ATP8A2: variants seen among roughly 807,000 people sequenced by gnomAD.
ATP8A2 encodes the protein phospholipid-transporting ATPase IB.
In ATP8A2, 100 loss-of-function variants were observed where a neutral mutation model predicts 165.6. The observed-to-expected ratio is 0.60, with a 90% CI of 0.51 to 0.71. The LOEUF (loss-of-function observed/expected upper bound fraction) is 0.71, where lower values mean the gene tolerates loss of function less well. ATP8A2 is among the 30% of genes least tolerant of loss of function. ATP8A2 has a pLI of 0.00. For missense variants in ATP8A2, 1,227 were observed against 1,479.5 expected, an observed-to-expected ratio of 0.83 and a Z score of 2.80; for synonymous variants, 543 against 548.8, an observed-to-expected ratio of 0.99 and a Z score of 0.15.
chr13:25,412,059 T>G (rs2033982576), intron 1 of ATP8A2, among the ~76,000 whole-genome samples: 1 of 152,202 alleles, frequency 6.6e-6, no homozygotes, highest in Admixed American at 6.5e-5. Context: ...GACAATAGTC[T>G]GGATGAAAAT....
At chr13:25,916,686 G>C (rs74039599) in intron 33 of ATP8A2, among the ~76,000 whole-genome samples, 1,796 of 152,258 alleles carry the variant, frequency 0.012, 39 homozygotes, top group African/African-American at 0.04. Context: ...GCCCAGAAAA[G>C]GGTCACTTTT....
chr13:25,397,426 T>G (rs1449352818), intron 1 of ATP8A2, among the ~76,000 whole-genome samples: 2 of 152,184 alleles, frequency 1.3e-5, no homozygotes, highest in Admixed American at 1.3e-4. Context: ...ACTCTGCTGC[T>G]GCTGGCCCAT....
At chr13:25,817,427 C>G (rs971050695) in intron 27 of ATP8A2, among the ~76,000 whole-genome samples, 2 of 150,786 alleles carry the variant, frequency 1.3e-5, no homozygotes, top group Non-Finnish European at 2.9e-5. Flanking sequence ...GAAACAGAGA[C>G]ATTTTATAAC....
At chr13:25,852,743 G>A (rs1260256910) in intron 30 of ATP8A2, among the ~76,000 whole-genome samples, 2 of 152,074 alleles carry the variant, frequency 1.3e-5, no homozygotes, top group East Asian at 1.9e-4. Flanking sequence ...TTGGGAGGCC[G>A]AGGCAGGTGG....
chr13:25,724,220 G>A (rs1566079411), intron 25 of ATP8A2, among the ~76,000 whole-genome samples: 1 of 152,212 alleles, frequency 6.6e-6, no homozygotes, highest in Non-Finnish European at 1.5e-5. Flanking sequence ...ATGCATTCAT[G>A]TGGCATCTGG....
intron 24 of ATP8A2, among the ~76,000 whole-genome samples, chr13:25,654,634 T>C (rs962622187): frequency 5.9e-5 from 9 of 152,198 alleles, no homozygotes; most frequent in African/African-American, 2.2e-4. Context: ...GTACTGGGTT[T>C]CCTACTGGGT....
At chr13:25,883,523 G>A (rs887949298) in intron 33 of ATP8A2, among the ~76,000 whole-genome samples, 4 of 152,242 alleles carry the variant, frequency 2.6e-5, no homozygotes, top group Non-Finnish European at 1.5e-5. Flanking sequence ...GACGGGACTG[G>A]CATGGAATAA....
In ATP8A2 at chr13:25,853,969, A is replaced by T. The variant is rs567258707; in HGVS notation, c.2957-6226A>T. On this transcript the variant is annotated intron_variant, in intron 30 of 36. Coordinates refer to ENST00000381655, the MANE Select transcript of ATP8A2 (RefSeq NM_016529.6). ...TCCATTTTATGGGTGGAGAATTGAG[A>T]CTCAAAACCTAAACTTTTAAAAAAT... Among the ~76,000 whole-genome samples, 4 of 152,274 alleles carry T rather than the reference A, an allele frequency of 2.6e-5. No homozygotes were observed. The East Asian group carries it at 7.7e-4, about 29-fold the overall frequency.
At chr13:25,843,361 TACTGTAATCTG>T (rs1414688637) in intron 30 of ATP8A2, among the ~76,000 whole-genome samples, 1 of 152,186 alleles carries the variant, frequency 6.6e-6, no homozygotes, top group African/African-American at 2.4e-5. Context: ...AGTAACCTCC[TACTGTAATCTG>T]ACTGCTCATG....
At position 26,021,904 on chromosome 13, in the gene ATP8A2, C is replaced by A. The variant is rs1957087188; in HGVS notation, c.*1919C>A. On this transcript the variant is annotated 3_prime_UTR_variant, in exon 37 of 37. Transcript: ENST00000381655. ...ACCCTTTTTTGTCAGAAATCTACAA[C>A]CTACTGGGCATGGAAATGATTTAAA... is the stretch of plus-strand genomic sequence containing the variant. 1 of 152,138 alleles carries A rather than the reference C, an allele frequency of 6.6e-6. No individual in the cohort carries two copies. The highest frequency in any genetic ancestry group is 2.4e-5 in the African/African-American group (1 of 41,424). 9.4% of individuals were successfully genotyped at this position (152,138 alleles called of 1,614,324 possible).
At chr13:26,000,572 C>A (rs1593696392) in intron 35 of ATP8A2, among the ~76,000 whole-genome samples, 1 of 152,120 alleles carries the variant, frequency 6.6e-6, no homozygotes, top group East Asian at 1.9e-4. Flanking sequence ...CTTGTATGAG[C>A]TTGGGTTTCA....
chr13:25,668,867 T>C (rs1017137630), intron 24 of ATP8A2, among the ~76,000 whole-genome samples: 1 of 152,216 alleles, frequency 6.6e-6, no homozygotes, highest in Non-Finnish European at 1.5e-5. Flanking sequence ...CTTTTCAATT[T>C]AAGAATTTCT....
At chr13:25,999,439 G>A (rs888379638) in intron 35 of ATP8A2, among the ~76,000 whole-genome samples, 1 of 152,178 alleles carries the variant, frequency 6.6e-6, no homozygotes, top group Non-Finnish European at 1.5e-5. Flanking sequence ...TGCTGTTCCT[G>A]CTGAACCTTT....
intron 24 of ATP8A2, among the ~76,000 whole-genome samples, chr13:25,640,524 G>A (rs1297605182): frequency 2.0e-4 from 31 of 152,190 alleles, no homozygotes; most frequent in South Asian, 1.9e-3. Flanking sequence ...TAAATTCCTC[G>A]ACACATACAC....
chr13:25,668,349 A>G (rs970265705), intron 24 of ATP8A2, among the ~76,000 whole-genome samples: 1 of 152,008 alleles, frequency 6.6e-6, no homozygotes, highest in African/African-American at 2.4e-5. Context: ...ATTTTACCCC[A>G]TTGTATTCTG....
intron 25 of ATP8A2, among the ~76,000 whole-genome samples, chr13:25,731,803 T>C (rs917564312): frequency 2.6e-5 from 4 of 152,110 alleles, no homozygotes; most frequent in African/African-American, 7.2e-5. Context: ...ACTAGGAAAA[T>C]CCATTGTAAC....
At chr13:26,015,825 T>G (rs1593719864) in intron 36 of ATP8A2, among the ~76,000 whole-genome samples, 1 of 152,166 alleles carries the variant, frequency 6.6e-6, no homozygotes, top group African/African-American at 2.4e-5. Flanking sequence ...TTTCTGGCTG[T>G]TAGGACTTCC....
At chr13:25,460,149 C>T (rs762046290) in intron 1 of ATP8A2, among the ~76,000 whole-genome samples, 15 of 152,212 alleles carry the variant, frequency 9.9e-5, no homozygotes, top group East Asian at 1.9e-4. Flanking sequence ...TGCAGTGAGC[C>T]GAGATTGCGC....
intron 25 of ATP8A2, among the ~76,000 whole-genome samples, chr13:25,759,393 C>T (rs1450477298): frequency 6.6e-6 from 1 of 152,184 alleles, no homozygotes; most frequent in Non-Finnish European, 1.5e-5. Flanking sequence ...CAAGTTTGCT[C>T]TGAAATGTCA....
Sources: allele counts gnomAD v4.1 joint callset (sites outside exome capture counted in the v4.1 genomes callset), GRCh38; gene constraint gnomAD v4.1.1; transcripts MANE v1.5; gene names NCBI Gene and HGNC (gene_info 2026-07-23, HGNC 2026-07-21).